Variants in TMEM138 observed in about 807,000 individuals in gnomAD.
The protein encoded by TMEM138 is transmembrane protein 138.
TMEM138 carries 9 observed loss-of-function variants against 18.1 expected under a neutral mutation model. The observed-to-expected ratio is 0.50, with a 90% confidence interval of 0.30 to 0.87. The LOEUF is 0.87. TMEM138 is among the 40% of genes least tolerant of loss of function. The pLI is 0.06. For missense variants in TMEM138, 189 were observed against 190.6 expected, an observed-to-expected ratio of 0.99 and a Z score of 0.05; for synonymous variants, 79 against 74.8, an observed-to-expected ratio of 1.06 and a Z score of -0.29.
chr11:61,367,852 C>A, intron 3 of TMEM138, 71 bp from the exon 4 acceptor site: 1 of 932,392 alleles, frequency 1.1e-6, no homozygotes, highest in Non-Finnish European at 1.8e-6. Flanking sequence ...GGCATCTCTG[C>A]AGCTAACCAA....
intron 3 of TMEM138, 120 bp downstream of exon 3, chr11:61,366,336 C>T: frequency 8.5e-7 from 1 of 1,178,812 alleles, no homozygotes; most frequent in Non-Finnish European, 1.2e-6. Flanking sequence ...GCTTCTGCCT[C>T]CCAAGCTCAA....
chr11:61,364,373 C>G lies in TMEM138; in HGVS notation c.-18C>G. 6.2e-7 allele frequency: 1 copy of G among 1,613,182 alleles called. No homozygotes were observed. The highest frequency in any genetic ancestry group is 8.5e-7 in the Non-Finnish European group (1 of 1,179,446). ...ACTGTGGGATGTGCCCTTGGGGGCC[C>G]GAGAAAACAGAAGGAAGATGCTCCA... On this transcript the variant is annotated 5_prime_UTR_variant, in exon 2 of 5. Coordinates refer to ENST00000278826, the MANE Select transcript of TMEM138 (RefSeq NM_016464.5).
At chr11:61,363,942 T>C (rs1201814639) in intron 1 of TMEM138, 2 of 154,618 alleles carry the variant, frequency 1.3e-5, no homozygotes, top group African/African-American at 2.4e-5. Flanking sequence ...CCCTGGCACA[T>C]TGTAAGCAAT....
In TMEM138 at chr11:61,366,097, T is replaced by G. The variant is rs962389656; in HGVS notation, c.181T>G (p.Phe61Val). Residue 61 changes from phenylalanine (F) to valine (V), a missense_variant, in exon 3 of 5, where the codon TTC becomes GTC. Phe to Val is a conservative substitution (Grantham distance 50). Coordinates refer to ENST00000278826, the MANE Select transcript of TMEM138 (RefSeq NM_016464.5). ...FNIIIIFLMF[F>V]NTFVFQAGLV... ...CATCATCATCATTTTCCTCATGTTC[T>G]TCAACACCTTCGTCTTCCAGGCTGG... 6.2e-7 allele frequency: 1 copy of G among 1,614,046 alleles called. No individual in the cohort carries two copies. Among genetic ancestry groups the G allele is most frequent in the Non-Finnish European group, 8.5e-7 (1 of 1,180,020 alleles).
rs752506713 is a variant in TMEM138 at position 61,366,168 on chromosome 11, G to C, written c.252G>C (p.Leu84=). 3.1e-6 allele frequency: 5 copies of C among 1,614,220 alleles called. No individual in the cohort carries two copies. Among genetic ancestry groups the C allele is most frequent in the Non-Finnish European group, 3.4e-6 (4 of 1,180,040 alleles). ...LFHKFKGTII[L]TAVYFALSIS... is the part of the protein sequence containing the mutation. ...ATAAGTTCAAAGGGACCATCATCCT[G>C]ACAGCTGTGTACTTTGCCCTCAGCA... The change falls in exon 3 of 5, where the codon CTG becomes CTC. Residue 84 remains leucine, a synonymous_variant. Coordinates refer to ENST00000278826, the MANE Select transcript of TMEM138 (RefSeq NM_016464.5).
At chr11:61,374,956 A>C (rs932376593), downstream of TMEM138, among the ~76,000 whole-genome samples, 1 of 152,144 alleles carries the variant, frequency 6.6e-6, no homozygotes, top group African/African-American at 2.4e-5. Flanking sequence ...ACTCCATCTC[A>C]AAAACAAACA....
chr11:61,365,232 T>C (rs1373994116), intron 2 of TMEM138, among the ~76,000 whole-genome samples: 2 of 151,714 alleles, frequency 1.3e-5, no homozygotes, highest in African/African-American at 2.4e-5. Context: ...CTGGGCAACA[T>C]AGTGAGACCT....
rs369642307 is a variant in TMEM138 at position 61,364,423 on chromosome 11, C to G, written c.33C>G (p.Leu11=). 2 of 1,614,110 alleles carry G rather than the reference C, an allele frequency of 1.2e-6. No individual in the cohort carries two copies. Among genetic ancestry groups the G allele is most frequent in the African/African-American group, 2.7e-5 (2 of 74,940 alleles). ...AGACCAGTAACTACAGCCTGGTGCT[C>G]TCTCTGCAGTTCCTGCTGCTGTCCT... MLQTSNYSLV[L]SLQFLLLSYD... The change falls in exon 2 of 5, where the codon CTC becomes CTG. Residue 11 remains leucine (L), a synonymous_variant. Transcript: ENST00000278826.
chr11:61,376,861 T>G (rs929010908), downstream of TMEM138, among the ~76,000 whole-genome samples: 6 of 152,296 alleles, frequency 3.9e-5, 1 homozygote, highest in East Asian at 1.9e-4. Context: ...CCATGAGAGA[T>G]AAGATAAAAC....
At chr11:61,375,413 C>T (rs1184451242), downstream of TMEM138, among the ~76,000 whole-genome samples, 2 of 148,776 alleles carry the variant, frequency 1.3e-5, no homozygotes, top group Non-Finnish European at 3.0e-5. Context: ...ACCTCTGACT[C>T]GCAGGTTCAA....
At chr11:61,375,114 T>C (rs1361888166), downstream of TMEM138, among the ~76,000 whole-genome samples, 1 of 152,202 alleles carries the variant, frequency 6.6e-6, no homozygotes, top group African/African-American at 2.4e-5. Flanking sequence ...ATTAATTGCA[T>C]GGACTAAACT....
downstream of TMEM138, among the ~76,000 whole-genome samples, chr11:61,374,179 G>T (rs1327486028): frequency 2.5e-5 from 3 of 119,628 alleles, no homozygotes; most frequent in Non-Finnish European, 4.9e-5. Context: ...ACAGAGTTTC[G>T]CTCTGTCACC....
chr11:61,367,359 T>TAA (rs1858190711), intron 3 of TMEM138: 2 of 144,302 alleles, frequency 1.4e-5, no homozygotes, highest in African/African-American at 2.9e-5. Flanking sequence ...GGTTCTCTAG[T>TAA]TGTCACTTCA....
intron 4 of TMEM138, chr11:61,368,227 G>A: frequency 1.6e-6 from 1 of 641,646 alleles, no homozygotes; most frequent in East Asian, 3.0e-5. Context: ...TTGTTTGTTT[G>A]TTTGTTTGTT....
rs1286274903 is a variant in TMEM138, at chr11:61,369,350, A to G, written c.*641A>G. 6.6e-6 allele frequency: 1 copy of G among 152,354 alleles called. No homozygotes were observed. The highest frequency in any genetic ancestry group is 1.5e-5 in the Non-Finnish European group (1 of 68,200). 9.4% of individuals were successfully genotyped at this position (152,354 alleles called of 1,614,324 possible). On this transcript the variant is annotated 3_prime_UTR_variant, in exon 5 of 5. Coordinates refer to ENST00000278826, the MANE Select transcript of TMEM138 (RefSeq NM_016464.5). ...TTTGTTGAGATCCATTATGAGTACAAAGTATTTTAGCAGAAATTCAAGATG... is the reference window on the plus strand; with the variant it reads ...TTTGTTGAGATCCATTATGAGTACAGAGTATTTTAGCAGAAATTCAAGATG...
chr11:61,367,156 C>T (rs756683117), intron 3 of TMEM138: 6 of 152,158 alleles, frequency 3.9e-5, no homozygotes, highest in Non-Finnish European at 5.9e-5. Context: ...TGCTCCATGC[C>T]GTCTGCCAAG....
downstream of TMEM138, among the ~76,000 whole-genome samples, chr11:61,372,879 CT>C (rs879429903): frequency 4.5e-4 from 65 of 145,470 alleles, no homozygotes; most frequent in Admixed American, 4.8e-4. Flanking sequence ...AGAGAATTTA[CT>C]TTTTTTTTTT....
chr11:61,364,313 G>A lies in TMEM138; in HGVS notation c.-78G>A. 2 of 1,535,426 alleles carry A rather than the reference G, an allele frequency of 1.3e-6. No homozygotes were observed. Among genetic ancestry groups the A allele is most frequent in the East Asian group, 2.3e-5 (1 of 44,324 alleles). On this transcript the variant is annotated 5_prime_UTR_variant, in exon 2 of 5. In the 5' UTR this introduces an upstream ATG that the reference lacks. Coordinates refer to ENST00000278826, the MANE Select transcript of TMEM138 (RefSeq NM_016464.5). ...AAAGGAACTAGAAGCCTCTCCCTCA[G>A]TGGTAGGGAGACAGCCAGGAGCGGT...
At chr11:61,368,041 G>A (rs1200179937) in intron 4 of TMEM138, 43 bp downstream of exon 4, 2 of 1,376,806 alleles carry the variant, frequency 1.5e-6, no homozygotes, top group Non-Finnish European at 2.1e-6. Context: ...GGTCCCACAT[G>A]TGTCTCTTTC....
Sources: gnomAD v4.1 joint callset for allele counts (sites outside exome capture counted in the v4.1 genomes callset) on GRCh38, gnomAD v4.1.1 for gene constraint, MANE v1.5 for transcripts, NCBI Gene and HGNC (gene_info 2026-07-23, HGNC 2026-07-21) for gene names.